Variants in KDM4C observed in about 807,000 individuals in gnomAD.
KDM4C encodes lysine demethylase 4C.
A neutral mutation model predicts 129.3 loss-of-function variants in KDM4C; 81 were observed. That is an observed-to-expected ratio of 0.63 (90% CI 0.52 to 0.75). The LOEUF is 0.75. KDM4C is among the 30% of genes least tolerant of loss of function. The probability of loss-of-function intolerance (pLI) is 0.00; values close to 1 mark genes in which losing one functional copy is unlikely to be tolerated. For synonymous variants in KDM4C, 573 were observed against 456.1 expected (o/e 1.26, Z -3.26); for missense variants, 1,457 against 1,304.0 (o/e 1.12, Z -1.81).
intron 8 of KDM4C, among the ~76,000 whole-genome samples, chr9:6,939,666 T>G (rs1825483196): frequency 6.6e-6 from 1 of 152,178 alleles, no homozygotes; most frequent in Non-Finnish European, 1.5e-5. Flanking sequence ...CATAGTTACT[T>G]TAGAATGGAT....
At chr9:6,986,827 T>G in intron 11 of KDM4C, 161 bp downstream of exon 11, 2 of 560,168 alleles carry the variant, frequency 3.6e-6, no homozygotes, top group Non-Finnish European at 6.2e-6. Flanking sequence ...GAGGTAAGCC[T>G]CCTGTGAGCT....
chr9:6,757,707 G>A (rs973108139), upstream of KDM4C: 10 of 985,464 alleles, frequency 1.0e-5, no homozygotes, highest in East Asian at 1.1e-4. Flanking sequence ...CCAGCCCTGC[G>A]GGACCCCAGC....
intron 8 of KDM4C, among the ~76,000 whole-genome samples, chr9:6,980,643 C>T (rs191636078): frequency 1.3e-5 from 2 of 152,074 alleles, no homozygotes; most frequent in Admixed American, 6.6e-5. Flanking sequence ...CCATTGCAGG[C>T]GTGCTTCCAA....
intron 1 of KDM4C, among the ~76,000 whole-genome samples, chr9:6,786,216 C>T (rs1825461001): frequency 6.6e-6 from 1 of 152,136 alleles, no homozygotes. Flanking sequence ...AAGCATCAGA[C>T]TTGGTTTCTT....
intron 4 of KDM4C, among the ~76,000 whole-genome samples, chr9:6,839,192 C>T (rs1406091344): frequency 2.0e-5 from 3 of 152,190 alleles, no homozygotes; most frequent in East Asian, 1.9e-4. Flanking sequence ...AGTCCTAAAA[C>T]GGGATGATAC....
At position 6,822,646 on chromosome 9, in the gene KDM4C, C is replaced by G. The variant is rs115863463; in HGVS notation, c.435+7901C>G. Among the ~76,000 whole-genome samples, 489 of 152,188 alleles carry G rather than the reference C, an allele frequency of 3.2e-3. 5 individuals carry two copies. Among genetic ancestry groups the G allele is most frequent in the African/African-American group, 0.011 (457 of 41,536 alleles). On this transcript the variant is annotated intron_variant, in intron 4 of 21. Coordinates refer to ENST00000381309, the MANE Select transcript of KDM4C (RefSeq NM_015061.6). ...GGTCTGCCGATGAAGTTTTAATTAGCCTTTGTTAACAAGCCTTTACATTAA... is the reference window on the plus strand; with the variant it reads ...GGTCTGCCGATGAAGTTTTAATTAGGCTTTGTTAACAAGCCTTTACATTAA...
At chr9:7,078,809 A>G (rs1358417596) in intron 17 of KDM4C, among the ~76,000 whole-genome samples, 3 of 152,218 alleles carry the variant, frequency 2.0e-5, no homozygotes, top group African/African-American at 7.2e-5. Flanking sequence ...ACTTACATGT[A>G]CACTGGAGGT....
chr9:6,891,089 C>T lies in KDM4C; in HGVS notation c.784-2006C>T, dbSNP rs559167568. On this transcript the variant is annotated intron_variant, in intron 7 of 21. Transcript: ENST00000381309. ...GCATCCATAACATGGCAAAGCTAAT[C>T]AGTGGTGAAAGGTATCAGAAGAGTG... Among the ~76,000 whole-genome samples, 19 of 152,254 alleles carry T rather than the reference C, an allele frequency of 1.2e-4. No homozygotes were observed. In the East Asian group the frequency reaches 1.9e-3, roughly 15 times the overall value.
chr9:6,904,986 C>T (rs1477965085), intron 8 of KDM4C, among the ~76,000 whole-genome samples: 1 of 152,126 alleles, frequency 6.6e-6, no homozygotes, highest in Admixed American at 6.5e-5. Flanking sequence ...ATCCTCAGCA[C>T]AACAAAATGC....
chr9:6,992,883 C>T (rs1198863176), intron 12 of KDM4C, among the ~76,000 whole-genome samples: 1 of 152,166 alleles, frequency 6.6e-6, no homozygotes, highest in Non-Finnish European at 1.5e-5. Flanking sequence ...TCTATTGAAG[C>T]TGGAAAGTTT....
chr9:7,140,321 A>G (rs1841617061), intron 19 of KDM4C, among the ~76,000 whole-genome samples: 1 of 151,928 alleles, frequency 6.6e-6, no homozygotes, highest in African/African-American at 2.4e-5. Flanking sequence ...ACAGGGCTTT[A>G]TGTTTGTTTT....
At chr9:6,811,777 T>C (rs1411963877) in intron 3 of KDM4C, among the ~76,000 whole-genome samples, 2 of 152,126 alleles carry the variant, frequency 1.3e-5, no homozygotes, top group Non-Finnish European at 2.9e-5. Context: ...GGCTTATGAA[T>C]GGAAGCCTGA....
At chr9:6,783,006 G>T (rs1287177987) in intron 1 of KDM4C, among the ~76,000 whole-genome samples, 1 of 152,182 alleles carries the variant, frequency 6.6e-6, no homozygotes, top group Non-Finnish European at 1.5e-5. Flanking sequence ...GAGTAAGAGA[G>T]GGTAGGCTTG....
intron 18 of KDM4C, among the ~76,000 whole-genome samples, chr9:7,107,411 TTGAG>T (rs1837816317): frequency 1.3e-5 from 2 of 152,264 alleles, no homozygotes; most frequent in South Asian, 4.1e-4. Context: ...CATCTCACAC[TTGAG>T]TAAACTAGAC....
chr9:7,063,857 G>A (rs137907117), intron 17 of KDM4C, among the ~76,000 whole-genome samples: 1 of 152,274 alleles, frequency 6.6e-6, no homozygotes, highest in East Asian at 1.9e-4. Context: ...GGAGAGAACT[G>A]TAAGGTCTAG....
chr9:6,779,246 GA>G (rs930594218), intron 1 of KDM4C, among the ~76,000 whole-genome samples: 2 of 150,958 alleles, frequency 1.3e-5, no homozygotes, highest in African/African-American at 4.9e-5. Context: ...TCGATCTCTT[GA>G]CCTCGTGATC....
intron 19 of KDM4C, among the ~76,000 whole-genome samples, chr9:7,149,393 G>A (rs973276961): frequency 6.6e-6 from 1 of 152,234 alleles, no homozygotes; most frequent in East Asian, 1.9e-4. Flanking sequence ...GCCTTCCTGG[G>A]ACCCTGAGAG....
chr9:6,817,142 TAAG>T (rs1015645227), intron 4 of KDM4C, among the ~76,000 whole-genome samples: 7 of 150,820 alleles, frequency 4.6e-5, no homozygotes, highest in Non-Finnish European at 1.0e-4. Flanking sequence ...TTCAGTTACT[TAAG>T]AAAATAAAGT....
intron 8 of KDM4C, among the ~76,000 whole-genome samples, chr9:6,923,905 T>C (rs1821998843): frequency 6.6e-6 from 1 of 152,190 alleles, no homozygotes. Context: ...AAAGCAGGAA[T>C]CTGAGAAGAG....
Sources: gnomAD v4.1 joint callset for allele counts (sites outside exome capture counted in the v4.1 genomes callset) on GRCh38, gnomAD v4.1.1 for gene constraint, MANE v1.5 for transcripts, NCBI Gene and HGNC (gene_info 2026-07-23, HGNC 2026-07-21) for gene names.